DCC: variants seen among roughly 807,000 people sequenced by gnomAD.
DCC encodes the protein netrin receptor DCC.
A neutral mutation model predicts 172.5 loss-of-function variants in DCC; 58 were observed. That is an observed-to-expected ratio of 0.34 (90% CI 0.27 to 0.42). DCC has a LOEUF of 0.42. DCC is among the 10% of genes least tolerant of loss of function. The probability of loss-of-function intolerance (pLI) is 1.00; values close to 1 mark genes in which losing one functional copy is unlikely to be tolerated. For missense variants in DCC, 1,740 were observed against 1,791.0 expected (o/e 0.97, Z 0.51); for synonymous variants, 709 against 644.5 (o/e 1.10, Z -1.52).
At chr18:52,927,021 A>C (rs1254903221) in intron 5 of DCC, among the ~76,000 whole-genome samples, 4 of 119,972 alleles carry the variant, frequency 3.3e-5, no homozygotes, top group African/African-American at 1.1e-4. Context: ...CACAAAGAAA[A>C]AATGCCAGTA....
At chr18:52,509,657 C>T (rs1349601142) in intron 1 of DCC, among the ~76,000 whole-genome samples, 1 of 152,224 alleles carries the variant, frequency 6.6e-6, no homozygotes, top group African/African-American at 2.4e-5. Flanking sequence ...CCTATCTGCA[C>T]TGACTGTCAC....
At chr18:53,346,697 C>A (rs1021884852) in intron 15 of DCC, among the ~76,000 whole-genome samples, 4 of 152,034 alleles carry the variant, frequency 2.6e-5, no homozygotes, top group African/African-American at 9.7e-5. Context: ...TATACTTTAC[C>A]TCTGAGAGCA....
chr18:52,776,840 A>G (rs1198324978), intron 2 of DCC, among the ~76,000 whole-genome samples: 3 of 152,170 alleles, frequency 2.0e-5, no homozygotes, highest in Admixed American at 6.5e-5. Context: ...CATTCAAACT[A>G]TTAATCATGT....
At chr18:52,525,837 G>C (rs532487521) in intron 1 of DCC, among the ~76,000 whole-genome samples, 3 of 152,278 alleles carry the variant, frequency 2.0e-5, no homozygotes, top group South Asian at 4.1e-4. Context: ...AGCCAAAGAT[G>C]ATGAATCCTC....
Position 52,613,535 on chromosome 18 carries a change from G to A in DCC, c.92-138519G>A, listed in dbSNP as rs1226556181. On this transcript the variant is annotated intron_variant, in intron 1 of 28. Coordinates refer to ENST00000442544, the MANE Select transcript of DCC (RefSeq NM_005215.4). The stretch of plus-strand genomic sequence containing the variant: ...CTCCCAAAGTGCTGGGATTACAGGG[G>A]TGAGCCACCACACCCATCCTGTCTT... 2.0e-5 allele frequency among the ~76,000 whole-genome samples: 3 copies of A among 152,140 alleles called. No individual in the cohort carries two copies. The East Asian group carries it at 5.8e-4, about 29-fold the overall frequency.
intron 5 of DCC, among the ~76,000 whole-genome samples, chr18:53,062,587 G>C (rs920863754): frequency 6.6e-6 from 1 of 152,100 alleles, no homozygotes; most frequent in Non-Finnish European, 1.5e-5. Flanking sequence ...GGCTAAGCCT[G>C]AGCCAAGTCA....
chr18:52,969,683 C>T (rs1044152528), intron 5 of DCC, among the ~76,000 whole-genome samples: 9 of 149,520 alleles, frequency 6.0e-5, no homozygotes, highest in Non-Finnish European at 1.3e-4. Flanking sequence ...CATTCTAAAG[C>T]TTCTAATTTG....
rs549127261 is a variant in DCC at position 53,349,630 on chromosome 18, C to T, written c.2359+9723C>T. ...TACAGTTCCATGTGGCTGGGGAAAC[C>T]TCACAATCATAGCTGAAGGCAAGGA... On this transcript the variant is annotated intron_variant, in intron 15 of 28. Coordinates refer to ENST00000442544, the MANE Select transcript of DCC (RefSeq NM_005215.4). Among the ~76,000 whole-genome samples the T allele has an allele frequency of 2.0e-5, 3 of 152,314 alleles. No homozygotes were observed. The South Asian group carries it at 6.2e-4, about 32-fold the overall frequency.
intron 1 of DCC, among the ~76,000 whole-genome samples, chr18:52,637,894 A>G (rs971092375): frequency 6.6e-6 from 1 of 152,208 alleles, no homozygotes. Flanking sequence ...GATGAAGGAA[A>G]GAATCTTAAG....
intron 28 of DCC, among the ~76,000 whole-genome samples, chr18:53,527,283 A>G (rs901044775): frequency 1.3e-5 from 2 of 151,756 alleles, no homozygotes; most frequent in African/African-American, 2.4e-5. Flanking sequence ...CACAGGCACA[A>G]TCATAGTGCA....
At chr18:53,369,315 G>T (rs1442444929) in intron 15 of DCC, among the ~76,000 whole-genome samples, 8 of 151,690 alleles carry the variant, frequency 5.3e-5, no homozygotes, top group African/African-American at 9.7e-5. Flanking sequence ...AGGTGTTTTG[G>T]TTTTTTTGTA....
intron 2 of DCC, among the ~76,000 whole-genome samples, chr18:52,897,219 G>A (rs574814820): frequency 3.5e-4 from 53 of 152,270 alleles, no homozygotes; most frequent in African/African-American, 1.2e-3. Flanking sequence ...TACAGAGGAT[G>A]TTATATTGGA....
At chr18:52,348,866 G>A (rs1009967035) in intron 1 of DCC, among the ~76,000 whole-genome samples, 1 of 152,120 alleles carries the variant, frequency 6.6e-6, no homozygotes, top group Non-Finnish European at 1.5e-5. Context: ...CCCTGAGCAA[G>A]TCCTGCCATG....
intron 1 of DCC, among the ~76,000 whole-genome samples, chr18:52,478,027 A>G (rs1158702129): frequency 1.3e-5 from 2 of 151,936 alleles, no homozygotes; most frequent in Non-Finnish European, 2.9e-5. Context: ...CCAGGCTGCT[A>G]TCGAACTTCT....
At chr18:52,936,092 A>C (rs2040378491) in intron 5 of DCC, among the ~76,000 whole-genome samples, 1 of 152,140 alleles carries the variant, frequency 6.6e-6, no homozygotes, top group Non-Finnish European at 1.5e-5. Context: ...TAAATGTAGG[A>C]TACAGGTGTG....
chr18:53,124,969 CAAA>C (rs34682402), intron 7 of DCC, among the ~76,000 whole-genome samples: 1 of 137,792 alleles, frequency 7.3e-6, no homozygotes, highest in East Asian at 2.1e-4. Flanking sequence ...GACTCCATCT[CAAA>C]AAAAAAAAAT....
At chr18:52,962,532 T>C (rs1156817971) in intron 5 of DCC, among the ~76,000 whole-genome samples, 1 of 152,006 alleles carries the variant, frequency 6.6e-6, no homozygotes, top group African/African-American at 2.4e-5. Flanking sequence ...TCAACCAATG[T>C]GGAATTCAGT....
chr18:53,093,304 TAATAA>T (rs1315342631), intron 7 of DCC, among the ~76,000 whole-genome samples: 1 of 152,066 alleles, frequency 6.6e-6, no homozygotes, highest in Non-Finnish European at 1.5e-5. Context: ...ATAAAATAAA[TAATAA>T]AATGTGCTTA....
intron 1 of DCC, among the ~76,000 whole-genome samples, chr18:52,535,544 C>T (rs781470430): frequency 1.1e-4 from 16 of 152,056 alleles, no homozygotes; most frequent in African/African-American, 2.2e-4. Flanking sequence ...TATAACTAGA[C>T]GTGTAAATCA....
Sources: allele counts gnomAD v4.1 joint callset (sites outside exome capture counted in the v4.1 genomes callset), GRCh38; gene constraint gnomAD v4.1.1; transcripts MANE v1.5; gene names NCBI Gene and HGNC (gene_info 2026-07-23, HGNC 2026-07-21).